Variants in PLEC observed in about 807,000 individuals in gnomAD.
The protein encoded by PLEC is hemidesmosomal protein 1.
Under a neutral mutation model 392.8 loss-of-function variants are expected in PLEC, and 216 were observed. The observed-to-expected ratio is 0.55, with a 90% CI of 0.49 to 0.62. The LOEUF is 0.62. PLEC is among the 20% of genes least tolerant of loss of function. The probability of loss-of-function intolerance (pLI) is 0.00; values close to 1 mark genes in which losing one functional copy is unlikely to be tolerated. For missense variants in PLEC, 6,863 were observed against 6,563.4 expected, an observed-to-expected ratio of 1.05 and a Z score of -1.58; for synonymous variants, 3,621 against 2,980.6, an observed-to-expected ratio of 1.21 and a Z score of -7.00.
Position 143,931,621 on chromosome 8 carries a change from C to T in PLEC, c.2217G>A (p.Gln739=), listed in dbSNP as rs116612406. The change falls in exon 19 of 32, where the codon CAG becomes CAA. Residue 739 remains glutamine (Q), a synonymous_variant. Coordinates refer to ENST00000345136, the MANE Select transcript of PLEC (RefSeq NM_201384.3). The part of the protein sequence containing the change: ...SDVREAEGQL[Q]KLQEALRRKY... ...TCCTACGCAGTGCCTCCTGCAGCTT[C>T]TGCAACTGCCCCTCGGCCTCCCGCA... 10,328 of 1,601,478 alleles carry T rather than the reference C, an allele frequency of 6.4e-3. 70 individuals carry two copies. Among genetic ancestry groups the T allele is most frequent in the African/African-American group, 0.031 (2,343 of 74,886 alleles).
Position 143,923,241 on chromosome 8 carries a change from GCTC to G in PLEC, c.6685_6687del (p.Glu2229del), listed in dbSNP as rs1554691691. The G allele has an allele frequency of 5.6e-6, 9 of 1,604,534 alleles. No individual in the cohort carries two copies. The highest frequency in any genetic ancestry group is 1.3e-5 in the African/African-American group (1 of 74,912). ...TCCATCTGCACGCGCACCGAGAAGAGCTCCTCCTCCACCTGGCTGCGCTGGCGT... is the reference window on the plus strand; with the variant it reads ...TCCATCTGCACGCGCACCGAGAAGAGCTCCTCCACCTGGCTGCGCTGGCGT... On this transcript the variant is annotated inframe_deletion, in exon 31 of 32. Coordinates refer to ENST00000345136, the MANE Select transcript of PLEC (RefSeq NM_201384.3).
At chr8:143,954,482 C>T (rs1046395897), upstream of PLEC, among the ~76,000 whole-genome samples, 17 of 152,330 alleles carry the variant, frequency 1.1e-4, no homozygotes, top group Non-Finnish European at 2.1e-4. The surrounding 1 kb of genome is among the most constrained non-coding windows in gnomAD (Gnocchi z 4.6). Context: ...CTCCTGGCTG[C>T]GCCCCCCAGT....
In PLEC at chr8:143,928,993, C is replaced by G. The variant is rs1451575026; in HGVS notation, c.3260+110G>C. ...GGCCTCCCGCCTCCTGGCCAGATCT[C>G]TGAACAGCCCCCAACTCGTTCCCTC... On this transcript the variant is annotated intron_variant, in intron 25 of 31. Transcript: ENST00000345136. The G allele has an allele frequency of 5.8e-6, 6 of 1,026,692 alleles. No individual in the cohort carries two copies. The African/African-American group carries it at 7.9e-5, about 14-fold the overall frequency. 63.6% of individuals were successfully genotyped at this position (1,026,692 alleles called of 1,614,324 possible).
chr8:143,971,631 C>A (rs1033972917), intron 1 of PLEC, among the ~76,000 whole-genome samples: 1 of 152,192 alleles, frequency 6.6e-6, no homozygotes, highest in Non-Finnish European at 1.5e-5. Flanking sequence ...CCCCTCCCGT[C>A]CCCTTGTCTC....
chr8:143,936,720 A>G (rs1023223710), intron 5 of PLEC, among the ~76,000 whole-genome samples: 1 of 152,138 alleles, frequency 6.6e-6, no homozygotes, highest in Non-Finnish European at 1.5e-5. Flanking sequence ...ATTCCTCCAC[A>G]GGGAGGCTCT....
chr8:143,932,868 C>A lies in PLEC; in HGVS notation c.1662G>T (p.Gln554His), dbSNP rs782040530. The A allele has an allele frequency of 2.5e-6, 4 of 1,611,360 alleles. No individual in the cohort carries two copies. The highest frequency in any genetic ancestry group is 3.4e-6 in the Non-Finnish European group (4 of 1,179,524). ...GGTGCAGGCCTCGGTGGCTGCCCAGCTGCGCCTCCACGCTGGGCAGGTCCA... is the reference window on the plus strand; with the variant it reads ...GGTGCAGGCCTCGGTGGCTGCCCAGATGCGCCTCCACGCTGGGCAGGTCCA... ...WGVDLPSVEA[Q>H]LGSHRGLHQS... The change falls in exon 14 of 32, where the codon CAG (glutamine) becomes CAT (histidine). Residue 554 changes from glutamine (Q) to histidine (H), a missense_variant. By Grantham distance (24) the Gln-to-His change is conservative (BLOSUM62 0). Coordinates refer to ENST00000345136, the MANE Select transcript of PLEC (RefSeq NM_201384.3).
exon 1 of PLEC, chr8:143,950,233 G>A (rs1564208746): frequency 6.4e-7 from 1 of 1,560,112 alleles, no homozygotes; most frequent in African/African-American, 1.4e-5. Flanking sequence ...TCCGCTGGGT[G>A]GTAGCAGGCA....
chr8:143,955,473 T>A (rs1353363605), upstream of PLEC, among the ~76,000 whole-genome samples: 1 of 152,236 alleles, frequency 6.6e-6, no homozygotes, highest in Non-Finnish European at 1.5e-5. Flanking sequence ...TTTACTGAGC[T>A]GTATCTGGAT....
At chr8:143,973,947 C>A (rs538292624), upstream of PLEC, among the ~76,000 whole-genome samples, 311 of 152,274 alleles carry the variant, frequency 2.0e-3, 2 homozygotes, top group Middle Eastern at 0.02. The surrounding 1 kb of genome is among the most constrained non-coding windows in gnomAD (Gnocchi z 5.6). Flanking sequence ...ACACTACACA[C>A]AAGAAAAATT....
At chr8:143,975,261 G>C, upstream of PLEC, 1 of 1,609,056 alleles carries the variant, frequency 6.2e-7, no homozygotes, top group African/African-American at 1.3e-5. The surrounding 1 kb of genome is among the most constrained non-coding windows in gnomAD (Gnocchi z 9.9). Context: ...CGGCTCCGCT[G>C]CGTTTTCCCA....
At chr8:143,946,304 G>A (rs957291048) in intron 1 of PLEC, 32 of 1,263,732 alleles carry the variant, frequency 2.5e-5, no homozygotes, top group East Asian at 5.6e-5. Flanking sequence ...AGGCGGCCCC[G>A]GCCCTCTCCT....
chr8:143,917,033 G>A lies in PLEC; in HGVS notation c.12788C>T (p.Ser4263Phe). The change falls in exon 32 of 32, where the codon TCC becomes TTC. Residue 4263 changes from serine (S) to phenylalanine (F), a missense_variant. By Grantham distance (155) the Ser-to-Phe change is radical. Transcript: ENST00000345136. The stretch of plus-strand genomic sequence containing the variant: ...TGACCAGGAGGCCAGCTGGGTCCTG[G>A]AGACGGCGGGGCTGATGGGGTAGGA... ...SSSYPISPAV[S>F]RTQLASWSDP... 6.2e-7 allele frequency: 1 copy of A among 1,611,490 alleles called. No homozygotes were observed.
Position 143,918,341 on chromosome 8 carries a change from C to G in PLEC, c.11480G>C (p.Gly3827Ala), listed in dbSNP as rs797044717. 4 of 1,581,150 alleles carry G rather than the reference C, an allele frequency of 2.5e-6. No homozygotes were observed. The African/African-American group carries it at 4.0e-5, about 16-fold the overall frequency. ...GTCGTGCGTGTCCTTGTTGAGGTAG[C>G]CACGCTGGTAAGCCACCTCCAGGGG... is the stretch of plus-strand genomic sequence containing the variant. ...HLPLEVAYQR[G>A]YLNKDTHDQL... The change falls in exon 32 of 32, where the codon GGC becomes GCC. Residue 3827 changes from glycine to alanine, a missense_variant. By Grantham distance (60) the Gly-to-Ala change is moderately conservative. Coordinates refer to ENST00000345136, the MANE Select transcript of PLEC (RefSeq NM_201384.3).
chr8:143,975,490 G>T, upstream of PLEC: 4 of 845,786 alleles, frequency 4.7e-6, no homozygotes, highest in Non-Finnish European at 5.8e-6. The surrounding 1 kb of genome is among the most constrained non-coding windows in gnomAD (Gnocchi z 9.9). Flanking sequence ...CCAGCCTCTC[G>T]CCTGGACACT....
chr8:143,948,589 C>T (rs1554733434), intron 1 of PLEC, among the ~76,000 whole-genome samples: 1 of 152,242 alleles, frequency 6.6e-6, no homozygotes, highest in African/African-American at 2.4e-5. Flanking sequence ...AGCTGTGGCT[C>T]GCTTCCTGTT....
chr8:143,976,055 A>C (rs1012050654), upstream of PLEC, among the ~76,000 whole-genome samples: 3 of 151,420 alleles, frequency 2.0e-5, no homozygotes, highest in African/African-American at 7.3e-5. Flanking sequence ...ACCCCACCTC[A>C]GCCCGCAGTC....
At chr8:143,966,231 C>G (rs1286929866) in intron 1 of PLEC, among the ~76,000 whole-genome samples, 2 of 152,218 alleles carry the variant, frequency 1.3e-5, no homozygotes, top group Non-Finnish European at 2.9e-5. Flanking sequence ...TGCACAGCTG[C>G]CCACTGCTCT....
Position 143,920,817 on chromosome 8 carries a change from G to T in PLEC, c.9004C>A (p.Arg3002=). 1 of 1,608,174 alleles carries T rather than the reference G, an allele frequency of 6.2e-7. No homozygotes were observed. Among genetic ancestry groups the T allele is most frequent in the Non-Finnish European group, 8.5e-7 (1 of 1,179,916 alleles). The change falls in exon 32 of 32, where the codon CGA becomes AGA. Residue 3002 remains arginine, a synonymous_variant. Coordinates refer to ENST00000345136, the MANE Select transcript of PLEC (RefSeq NM_201384.3). ...ACGTCTCGCACAGAGCGCTCACCTCGCTGCAGCTGCTGGTAGAGCTCGCGG... is the reference window on the plus strand; with the variant it reads ...ACGTCTCGCACAGAGCGCTCACCTCTCTGCAGCTGCTGGTAGAGCTCGCGG... ...IDRELYQQLQ[R]GERSVRDVAE... is the part of the protein sequence containing the mutation.
chr8:143,944,009 G>A (rs1342835970), upstream of PLEC: 5 of 1,486,192 alleles, frequency 3.4e-6, no homozygotes, highest in Admixed American at 1.0e-4. Flanking sequence ...ACCGGAGCCT[G>A]CCCTGCCCGC....
Sources: allele counts gnomAD v4.1 joint callset (sites outside exome capture counted in the v4.1 genomes callset), GRCh38; gene constraint gnomAD v4.1.1; non-coding constraint Gnocchi (gnomAD v3.1); transcripts MANE v1.5; gene names NCBI Gene and HGNC (gene_info 2026-07-23, HGNC 2026-07-21).